The following FHIP1A variants were observed in gnomAD, a reference collection of about 807,000 sequenced individuals.
The protein encoded by FHIP1A is FHF complex subunit HOOK interacting protein 1A, also known as FHF complex subunit HOOK-interacting protein 1A.
FHIP1A carries 61 observed loss-of-function variants against 88.6 expected under a neutral mutation model. That is an observed-to-expected ratio of 0.69 (90% CI 0.56 to 0.85). The LOEUF is 0.85. Ranked by LOEUF, FHIP1A falls within the 40% of genes least tolerant of loss-of-function variation. The pLI, the probability that FHIP1A is intolerant of heterozygous loss-of-function variation, is 0.00. For missense variants in FHIP1A, 1,154 were observed against 1,273.5 expected (o/e 0.91, Z 1.43); for synonymous variants, 478 against 496.0 (o/e 0.96, Z 0.48).
chr4:151,637,695 C>T (rs1354815052), intron 8 of FHIP1A, among the ~76,000 whole-genome samples: 1 of 152,004 alleles, frequency 6.6e-6, no homozygotes, highest in African/African-American at 2.4e-5. Flanking sequence ...AGGAGTTAGC[C>T]CATGGGGGAG....
At chr4:151,417,770 A>T (rs905716555) in intron 1 of FHIP1A, among the ~76,000 whole-genome samples, 2 of 152,186 alleles carry the variant, frequency 1.3e-5, no homozygotes, top group Non-Finnish European at 2.9e-5. Flanking sequence ...TCTAACACTA[A>T]GTCACTATTT....
chr4:151,432,039 G>A (rs1733612199), intron 1 of FHIP1A, among the ~76,000 whole-genome samples: 2 of 152,156 alleles, frequency 1.3e-5, no homozygotes, highest in African/African-American at 4.8e-5. Flanking sequence ...GAGGCATTAT[G>A]TGCCATAAGA....
At chr4:151,433,602 G>C (rs1177938253) in intron 1 of FHIP1A, among the ~76,000 whole-genome samples, 1 of 152,146 alleles carries the variant, frequency 6.6e-6, no homozygotes. Context: ...CTCTGAGTTA[G>C]AAGAGGTGTT....
chr4:151,469,154 TA>T (rs1205253126), intron 2 of FHIP1A, among the ~76,000 whole-genome samples: 3 of 152,358 alleles, frequency 2.0e-5, no homozygotes, highest in African/African-American at 7.2e-5. Context: ...ATAATAGTTT[TA>T]AGAAGTGTTC....
intron 9 of FHIP1A, among the ~76,000 whole-genome samples, chr4:151,645,179 C>T (rs17027746): frequency 0.01 from 1,532 of 152,244 alleles, 23 homozygotes; most frequent in African/African-American, 0.035. Context: ...CTGGTTCTTA[C>T]TGACAGCAGG....
chr4:151,518,808 C>T (rs191103556), intron 3 of FHIP1A, among the ~76,000 whole-genome samples: 3 of 151,932 alleles, frequency 2.0e-5, no homozygotes, highest in Non-Finnish European at 4.4e-5. Flanking sequence ...TGCAGGCATG[C>T]GCCACCATGC....
At chr4:151,539,343 A>G (rs1374757280) in intron 3 of FHIP1A, among the ~76,000 whole-genome samples, 1 of 152,064 alleles carries the variant, frequency 6.6e-6, no homozygotes, top group African/African-American at 2.4e-5. Context: ...GCGCTTTGGG[A>G]GGCTGAGGCA....
intron 2 of FHIP1A, among the ~76,000 whole-genome samples, chr4:151,455,420 A>C (rs533748724): frequency 2.0e-5 from 3 of 152,320 alleles, no homozygotes; most frequent in African/African-American, 7.2e-5. Context: ...AGCAGGGATC[A>C]GCTACTCCTG....
intron 2 of FHIP1A, among the ~76,000 whole-genome samples, chr4:151,478,883 C>T (rs1729802774): frequency 6.6e-6 from 1 of 151,988 alleles, no homozygotes; most frequent in African/African-American, 2.4e-5. Flanking sequence ...AGTCAGTATT[C>T]TTGGTGTATT....
intron 1 of FHIP1A, among the ~76,000 whole-genome samples, chr4:151,445,233 A>G (rs1332762300): frequency 6.6e-6 from 1 of 152,156 alleles, no homozygotes; most frequent in Non-Finnish European, 1.5e-5. Context: ...AGGTGAAGAG[A>G]TAAATAGGGT....
chr4:151,583,734 T>C (rs1734107694), intron 5 of FHIP1A, among the ~76,000 whole-genome samples: 1 of 152,216 alleles, frequency 6.6e-6, no homozygotes, highest in African/African-American at 2.4e-5. Flanking sequence ...TGTAATTGAT[T>C]TAAAAAAATG....
rs112614955 is a variant in FHIP1A, at chr4:151,490,508, G to A, written c.-123+7860G>A. The stretch of plus-strand genomic sequence containing the variant: ...CCTGTGGGACAAAAAAATCTGAACA[G>A]CAGCTCTTGAGTTCCAGATCTTTCC... On this transcript the variant is annotated intron_variant, in intron 3 of 13. Transcript: ENST00000435205. 8.1e-3 allele frequency among the ~76,000 whole-genome samples: 1,238 copies of A among 152,246 alleles called. 15 individuals are homozygous for A. Among genetic ancestry groups the A allele is most frequent in the African/African-American group, 0.029 (1,200 of 41,532 alleles).
intron 3 of FHIP1A, among the ~76,000 whole-genome samples, chr4:151,544,869 G>C (rs775801764): frequency 7.2e-5 from 11 of 152,134 alleles, no homozygotes; most frequent in Non-Finnish European, 1.2e-4. Context: ...TTGAGCCCAG[G>C]TATTTGAGAC....
chr4:151,478,689 G>C (rs189983622), intron 2 of FHIP1A, among the ~76,000 whole-genome samples: 2 of 151,944 alleles, frequency 1.3e-5, no homozygotes, highest in Non-Finnish European at 2.9e-5. Context: ...CTTAATATAC[G>C]TACTGTGTTT....
chr4:151,624,564 C>A (rs1159712537), intron 7 of FHIP1A, among the ~76,000 whole-genome samples: 1 of 152,178 alleles, frequency 6.6e-6, no homozygotes, highest in Non-Finnish European at 1.5e-5. Flanking sequence ...TAATGTATTA[C>A]AGATCCATTG....
At chr4:151,617,935 C>T (rs766115751) in intron 7 of FHIP1A, among the ~76,000 whole-genome samples, 1 of 152,160 alleles carries the variant, frequency 6.6e-6, no homozygotes, top group Non-Finnish European at 1.5e-5. Context: ...ACAAGCACTG[C>T]TGTGGGCAGA....
chr4:151,497,221 T>C (rs566008881), intron 3 of FHIP1A, among the ~76,000 whole-genome samples: 1 of 152,296 alleles, frequency 6.6e-6, no homozygotes, highest in South Asian at 2.1e-4. Flanking sequence ...GAAAATAATA[T>C]TGATAGAAAG....
At chr4:151,592,039 C>T (rs1039975548) in intron 7 of FHIP1A, among the ~76,000 whole-genome samples, 2 of 152,152 alleles carry the variant, frequency 1.3e-5, no homozygotes, top group African/African-American at 4.8e-5. Context: ...GAGGAATTGC[C>T]ACACTGTCTT....
intron 8 of FHIP1A, 27 bp downstream of exon 8, chr4:151,629,896 C>T: frequency 1.3e-6 from 2 of 1,539,732 alleles, no homozygotes; most frequent in Non-Finnish European, 1.8e-6. Flanking sequence ...AGGAAGGGAA[C>T]TTACAACTCA....
Sources: allele counts gnomAD v4.1 joint callset (sites outside exome capture counted in the v4.1 genomes callset), GRCh38; gene constraint gnomAD v4.1.1; transcripts MANE v1.5; gene names NCBI Gene and HGNC (gene_info 2026-07-23, HGNC 2026-07-21).